The following RANBP2 variants were observed in gnomAD, a reference collection of about 807,000 sequenced individuals.
RANBP2 encodes RAN binding protein 2.
Under a neutral mutation model 303.6 loss-of-function variants are expected in RANBP2, and 57 were observed. The ratio of observed to expected loss-of-function variants is 0.19; its 90% CI spans 0.15 to 0.23. The LOEUF (loss-of-function observed/expected upper bound fraction) is 0.23. Among genes scored for constraint, RANBP2 ranks in the 10% least tolerant of loss-of-function variants. The pLI, the probability that RANBP2 is intolerant of heterozygous loss-of-function variation, is 1.00. For missense variants in RANBP2, 3,138 were observed against 3,780.8 expected (o/e 0.83, Z 4.46); for synonymous variants, 1,167 against 1,301.5 (o/e 0.90, Z 2.23).
the RANBP2 span, among the ~76,000 whole-genome samples, chr2:109,728,858 C>T: frequency 2.6e-5 from 4 of 152,068 alleles, no homozygotes; most frequent in South Asian, 4.2e-4. Flanking sequence ...GGTGTAAATG[C>T]TCCCATCATA....
the RANBP2 span, among the ~76,000 whole-genome samples, chr2:109,396,948 G>A: frequency 2.2e-4 from 33 of 152,240 alleles, no homozygotes; most frequent in Admixed American, 1.8e-3. Flanking sequence ...AATCCTGTAC[G>A]TCCTTCCTGA....
chr2:109,236,100 A>G, the RANBP2 span, among the ~76,000 whole-genome samples: 9 of 152,240 alleles, frequency 5.9e-5, no homozygotes, highest in East Asian at 1.2e-3. Context: ...GCATGAAGCT[A>G]TTCACATTTT....
At chr2:108,860,793 G>T in the RANBP2 span, among the ~76,000 whole-genome samples, 3 of 151,806 alleles carry the variant, frequency 2.0e-5, no homozygotes, top group East Asian at 5.8e-4. Flanking sequence ...CCAGATTTTG[G>T]CATCAGTATG....
the RANBP2 span, among the ~76,000 whole-genome samples, chr2:109,457,723 C>A: frequency 1.3e-5 from 2 of 152,244 alleles, no homozygotes; most frequent in African/African-American, 4.8e-5. Context: ...CTGATATATT[C>A]TCACAGTGCT....
At chr2:109,372,034 A>G in the RANBP2 span, among the ~76,000 whole-genome samples, 1 of 152,164 alleles carries the variant, frequency 6.6e-6, no homozygotes, top group Non-Finnish European at 1.5e-5. Context: ...CTCTTTTCTC[A>G]TGAGCACCAG....
At chr2:109,441,928 C>T in the RANBP2 span, among the ~76,000 whole-genome samples, 8 of 150,696 alleles carry the variant, frequency 5.3e-5, no homozygotes, top group African/African-American at 1.9e-4. Flanking sequence ...CAATCTAGTA[C>T]TCTACTCCCA....
the RANBP2 span, among the ~76,000 whole-genome samples, chr2:108,937,921 T>A: frequency 6.6e-6 from 1 of 152,256 alleles, no homozygotes; most frequent in Non-Finnish European, 1.5e-5. Flanking sequence ...GTTGAAAGTT[T>A]AAAATCCAAG....
the RANBP2 span, among the ~76,000 whole-genome samples, chr2:109,218,104 G>T: frequency 6.6e-4 from 101 of 151,912 alleles, no homozygotes; most frequent in Middle Eastern, 3.4e-3. Context: ...AGAGGTTTTT[G>T]GAAACTGAGT....
the RANBP2 span, among the ~76,000 whole-genome samples, chr2:109,679,698 A>G: frequency 6.6e-6 from 1 of 152,286 alleles, no homozygotes; most frequent in South Asian, 2.1e-4. Flanking sequence ...TTGCTTATAT[A>G]GCAATTCCCA....
chr2:109,122,973 T>C, the RANBP2 span, among the ~76,000 whole-genome samples: 1 of 152,188 alleles, frequency 6.6e-6, no homozygotes, highest in Non-Finnish European at 1.5e-5. Flanking sequence ...AGTTGTGTCT[T>C]AGGCAGCCTC....
At chr2:109,467,163 C>A in the RANBP2 span, among the ~76,000 whole-genome samples, 1 of 152,204 alleles carries the variant, frequency 6.6e-6, no homozygotes, top group East Asian at 1.9e-4. Context: ...GACACACAGG[C>A]CTACACAAAG....
At chr2:108,835,088 A>G in the RANBP2 span, among the ~76,000 whole-genome samples, 2 of 152,238 alleles carry the variant, frequency 1.3e-5, no homozygotes, top group African/African-American at 2.4e-5. Context: ...TATCTGCTGC[A>G]AATCTGTGTT....
intron 17 of RANBP2, among the ~76,000 whole-genome samples, chr2:108,756,759 A>T (rs1676345544): frequency 6.6e-6 from 1 of 152,166 alleles, no homozygotes; most frequent in Non-Finnish European, 1.5e-5. Flanking sequence ...TTCCATTGTG[A>T]CTGTTTGGCT....
At chr2:109,015,098 G>A in the RANBP2 span, among the ~76,000 whole-genome samples, 3 of 115,298 alleles carry the variant, frequency 2.6e-5, no homozygotes, top group East Asian at 3.2e-4. Context: ...CCAGCCTGGC[G>A]ACAGAGCGAG....
chr2:109,104,818 C>T, the RANBP2 span, among the ~76,000 whole-genome samples: 1 of 152,152 alleles, frequency 6.6e-6, no homozygotes, highest in Admixed American at 6.5e-5. Context: ...ACAATGGTAA[C>T]AGCAAACATC....
At chr2:108,755,368 T>C (rs867673068) in intron 17 of RANBP2, 109 bp downstream of exon 17, 491 of 1,524,094 alleles carry the variant, frequency 3.2e-4, no homozygotes, top group Middle Eastern at 9.7e-4. Context: ...GCCATCCAAA[T>C]AGTATGGCAA....
At chr2:109,324,292 A>G in the RANBP2 span, among the ~76,000 whole-genome samples, 1 of 152,170 alleles carries the variant, frequency 6.6e-6, no homozygotes, top group Non-Finnish European at 1.5e-5. Flanking sequence ...TTTTTTGTGG[A>G]CAGGTTTCCA....
At chr2:109,594,667 C>T in the RANBP2 span, 1 of 152,222 alleles carries the variant, frequency 6.6e-6, no homozygotes, top group Non-Finnish European at 1.5e-5. Context: ...AAAGAGAGAA[C>T]CTGGGTGCTC....
the RANBP2 span, among the ~76,000 whole-genome samples, chr2:108,818,755 A>G: frequency 7.9e-5 from 12 of 152,072 alleles, no homozygotes; most frequent in African/African-American, 2.7e-4. Context: ...TTCTAAGAAT[A>G]CTAGTATAAC....
Sources: allele counts gnomAD v4.1 joint callset (sites outside exome capture counted in the v4.1 genomes callset), GRCh38; gene constraint gnomAD v4.1.1; transcripts MANE v1.5; gene names NCBI Gene and HGNC (gene_info 2026-07-23, HGNC 2026-07-21).